P3H2: variants seen among roughly 807,000 people sequenced by gnomAD.
P3H2 encodes the protein leprecan-like 1.
P3H2 carries 80 observed loss-of-function variants against 87.0 expected under a neutral mutation model. The observed-to-expected ratio is 0.92, with a 90% CI of 0.77 to 1.11. P3H2 has a LOEUF of 1.11. P3H2 is among the 50% of genes least tolerant of loss of function. P3H2 has a pLI of 0.00. For synonymous variants in P3H2, 367 were observed against 359.3 expected (o/e 1.02, Z -0.24); for missense variants, 1,001 against 923.9 (o/e 1.08, Z -1.08).
intron 1 of P3H2, among the ~76,000 whole-genome samples, chr3:190,075,855 A>C (rs977419962): frequency 2.6e-5 from 4 of 152,206 alleles, no homozygotes; most frequent in Non-Finnish European, 5.9e-5. Context: ...AGGACTCACT[A>C]CAGGTTGTAT....
At chr3:190,105,662 T>C (rs1005437706) in intron 1 of P3H2, among the ~76,000 whole-genome samples, 6 of 152,224 alleles carry the variant, frequency 3.9e-5, no homozygotes, top group African/African-American at 1.4e-4. Context: ...TTTATGTCCA[T>C]TGCATTTTAT....
chr3:189,974,435 T>G lies in P3H2; in HGVS notation c.1452+123A>C, dbSNP rs886101694. 1.2e-5 allele frequency: 16 copies of G among 1,310,836 alleles called. No individual in the cohort carries two copies. In the African/African-American group the frequency reaches 2.3e-4, roughly 19 times the overall value. 81.2% of individuals were successfully genotyped at this position (1,310,836 alleles called of 1,614,324 possible). ...AGTTCCTCAAAAATAATTTATGTCT[T>G]TCTCCTCAAGAAAGCAATATTTCAG... On this transcript the variant is annotated intron_variant, in intron 9 of 14. Coordinates refer to ENST00000319332, the MANE Select transcript of P3H2 (RefSeq NM_018192.4).
At chr3:190,016,033 A>G (rs532278484) in intron 1 of P3H2, among the ~76,000 whole-genome samples, 2 of 152,308 alleles carry the variant, frequency 1.3e-5, no homozygotes, top group East Asian at 1.9e-4. Flanking sequence ...GTAGACCTCT[A>G]TTAAATGTCC....
rs191710376 is a variant in P3H2, at chr3:190,002,601, G to T, written c.481-7159C>A. On this transcript the variant is annotated intron_variant, in intron 1 of 14. Transcript: ENST00000319332. The stretch of plus-strand genomic sequence containing the variant: ...TTTTTAGTAGAGATGGAGTTTCACC[G>T]TGTTGGCCAAGCCAGTCTTGAACTC... 4.3e-3 allele frequency among the ~76,000 whole-genome samples: 654 copies of T among 152,008 alleles called. 5 individuals are homozygous for T. Among genetic ancestry groups the T allele is most frequent in the African/African-American group, 0.015 (637 of 41,480 alleles).
At chr3:190,114,075 G>A (rs1336763184) in intron 1 of P3H2, among the ~76,000 whole-genome samples, 3 of 77,814 alleles carry the variant, frequency 3.9e-5, no homozygotes, top group Admixed American at 1.3e-4. Flanking sequence ...GTGAGACTCC[G>A]TCTCAAAAAA....
chr3:190,079,437 T>C (rs567710669), intron 1 of P3H2, among the ~76,000 whole-genome samples: 3 of 152,108 alleles, frequency 2.0e-5, no homozygotes, highest in Non-Finnish European at 4.4e-5. Context: ...CAAAGAAGTA[T>C]TGTGAGAATT....
At chr3:190,101,095 A>G (rs551158327) in intron 1 of P3H2, among the ~76,000 whole-genome samples, 5 of 152,200 alleles carry the variant, frequency 3.3e-5, no homozygotes, top group African/African-American at 1.2e-4. Context: ...AACTTAATAG[A>G]AAAATGTTGT....
At chr3:190,119,459 A>G (rs1320265085) in intron 1 of P3H2, among the ~76,000 whole-genome samples, 1 of 152,190 alleles carries the variant, frequency 6.6e-6, no homozygotes, top group Non-Finnish European at 1.5e-5. Context: ...AGATCTTCAA[A>G]GTTATGGATG....
chr3:190,032,420 T>C (rs1443382862), intron 1 of P3H2, among the ~76,000 whole-genome samples: 1 of 152,090 alleles, frequency 6.6e-6, no homozygotes, highest in Non-Finnish European at 1.5e-5. Context: ...TGATTTAGTC[T>C]CAAGAAATTC....
At chr3:190,029,752 G>A (rs1008240410) in intron 1 of P3H2, among the ~76,000 whole-genome samples, 3 of 152,116 alleles carry the variant, frequency 2.0e-5, no homozygotes, top group African/African-American at 7.2e-5. Context: ...TGTAATCCCA[G>A]CATTTTGGGA....
intron 1 of P3H2, among the ~76,000 whole-genome samples, chr3:190,106,173 G>A (rs138595951): frequency 6.6e-6 from 1 of 152,126 alleles, no homozygotes; most frequent in Non-Finnish European, 1.5e-5. Context: ...AAAATACAAA[G>A]AAGAGGACAC....
chr3:190,095,593 A>G (rs1727550780), intron 1 of P3H2, among the ~76,000 whole-genome samples: 1 of 143,716 alleles, frequency 7.0e-6, no homozygotes, highest in Non-Finnish European at 1.5e-5. Flanking sequence ...ACAAGTTGTG[A>G]TTCCTTTTTT....
intron 1 of P3H2, among the ~76,000 whole-genome samples, chr3:190,071,014 C>T (rs1017171579): frequency 2.6e-5 from 4 of 152,066 alleles, no homozygotes; most frequent in Admixed American, 6.5e-5. Flanking sequence ...ATAATTTTGG[C>T]TTTTTTCCGG....
At chr3:190,023,409 G>T (rs571087878) in intron 1 of P3H2, among the ~76,000 whole-genome samples, 4 of 152,212 alleles carry the variant, frequency 2.6e-5, no homozygotes, top group Admixed American at 6.5e-5. Flanking sequence ...TTACATGGCT[G>T]CAGAAGCCTC....
intron 1 of P3H2, among the ~76,000 whole-genome samples, chr3:190,074,397 G>C (rs986356082): frequency 3.9e-5 from 6 of 152,084 alleles, no homozygotes; most frequent in African/African-American, 1.4e-4. Context: ...TGTAATCCAA[G>C]CTACTCCAGA....
chr3:190,083,155 A>T (rs1185680711), intron 1 of P3H2, among the ~76,000 whole-genome samples: 4 of 152,176 alleles, frequency 2.6e-5, no homozygotes, highest in African/African-American at 9.7e-5. Flanking sequence ...AATCATGAAA[A>T]TAACTTGCCT....
At chr3:189,996,705 A>G (rs1394903833) in intron 1 of P3H2, among the ~76,000 whole-genome samples, 1 of 151,964 alleles carries the variant, frequency 6.6e-6, no homozygotes, top group African/African-American at 2.4e-5. Context: ...CACATATGGA[A>G]ACATCACACT....
intron 1 of P3H2, among the ~76,000 whole-genome samples, chr3:190,031,595 C>T (rs941254278): frequency 6.6e-6 from 1 of 151,762 alleles, no homozygotes. Context: ...CAAGATCACA[C>T]CACTGCACTC....
intron 1 of P3H2, among the ~76,000 whole-genome samples, chr3:190,115,270 G>A (rs747233506): frequency 2.0e-5 from 3 of 151,956 alleles, no homozygotes; most frequent in African/African-American, 4.8e-5. Context: ...TTTATTTTTC[G>A]CCTTCCTTTT....
Sources: allele counts gnomAD v4.1 joint callset (sites outside exome capture counted in the v4.1 genomes callset), GRCh38; gene constraint gnomAD v4.1.1; transcripts MANE v1.5; gene names NCBI Gene and HGNC (gene_info 2026-07-23, HGNC 2026-07-21).